STAMBPL1: variants seen among roughly 807,000 people sequenced by gnomAD.
The protein encoded by STAMBPL1 is STAM binding protein like 1.
STAMBPL1 carries 44 observed loss-of-function variants against 52.9 expected under a neutral mutation model. The ratio of observed to expected loss-of-function variants is 0.83; its 90% CI spans 0.65 to 1.07. STAMBPL1 has a LOEUF of 1.07. Ranked by LOEUF, STAMBPL1 falls within the 50% of genes least tolerant of loss-of-function variation. STAMBPL1 has a pLI of 0.00. For missense variants in STAMBPL1, 511 were observed against 520.8 expected (o/e 0.98, Z 0.18); for synonymous variants, 164 against 177.3 (o/e 0.92, Z 0.60).
chr10:88,906,925 T>C (rs1214379746), intron 3 of STAMBPL1, among the ~76,000 whole-genome samples: 1 of 152,160 alleles, frequency 6.6e-6, no homozygotes, highest in Admixed American at 6.5e-5. Context: ...ATGCAATACA[T>C]TGTTATTAAG....
intron 2 of STAMBPL1, among the ~76,000 whole-genome samples, chr10:88,902,350 A>G (rs1464712687): frequency 6.6e-6 from 1 of 152,054 alleles, no homozygotes; most frequent in Non-Finnish European, 1.5e-5. Context: ...TGGAAACAAT[A>G]TTTTTGATGG....
At chr10:88,883,766 G>T (rs1291367914) in intron 1 of STAMBPL1, among the ~76,000 whole-genome samples, 1 of 152,162 alleles carries the variant, frequency 6.6e-6, no homozygotes, top group Non-Finnish European at 1.5e-5. Flanking sequence ...AGTAACTTGT[G>T]TTTATTAAAA....
chr10:88,884,249 A>G (rs142566294), intron 1 of STAMBPL1, among the ~76,000 whole-genome samples: 770 of 152,366 alleles, frequency 5.1e-3, no homozygotes, highest in Non-Finnish European at 7.3e-3. Flanking sequence ...TCTCTGCATA[A>G]TGAAACGTGG....
At chr10:88,911,913 C>G (rs560487142) in intron 5 of STAMBPL1, among the ~76,000 whole-genome samples, 23 of 150,620 alleles carry the variant, frequency 1.5e-4, no homozygotes, top group Admixed American at 1.5e-3. Context: ...GCAAGGGAGA[C>G]GAAAGCCCAG....
At chr10:88,909,064 G>T (rs1845150958) in intron 4 of STAMBPL1, among the ~76,000 whole-genome samples, 1 of 152,172 alleles carries the variant, frequency 6.6e-6, no homozygotes, top group Admixed American at 6.5e-5. Context: ...AGAGAATGTT[G>T]TGTATTTCTG....
Position 88,905,468 on chromosome 10 carries a change from A to G in STAMBPL1, c.56A>G (p.His19Arg). Residue 19 changes from histidine (H) to arginine (R), a missense_variant, in exon 3 of 11, where the codon CAT becomes CGT. Physicochemically the swap from His to Arg is conservative, Grantham distance 29 (BLOSUM62 0). Coordinates refer to ENST00000371926, the MANE Select transcript of STAMBPL1 (RefSeq NM_020799.4). Reference protein sequence around the residue: ...SLKKLAAMPDHTDVSLSPEER... With the variant: ...SLKKLAAMPDRTDVSLSPEER... ...AAAAAGTTAGCTGCTATGCCTGACC[A>G]TACAGATGTTTCCCTAAGCCCAGAA... is the stretch of plus-strand genomic sequence containing the variant. The G allele has an allele frequency of 1.2e-6, 2 of 1,614,144 alleles. No homozygotes were observed. Among genetic ancestry groups the G allele is most frequent in the Non-Finnish European group, 1.7e-6 (2 of 1,179,990 alleles).
intron 1 of STAMBPL1, among the ~76,000 whole-genome samples, chr10:88,888,496 AG>A (rs1844595059): frequency 6.6e-6 from 1 of 152,218 alleles, no homozygotes. Flanking sequence ...CTGACTTTCA[AG>A]GGTTTATGCA....
intron 7 of STAMBPL1, 36 bp downstream of exon 7, chr10:88,914,694 A>T: frequency 1.1e-6 from 1 of 935,676 alleles, no homozygotes; most frequent in Admixed American, 4.3e-5. Context: ...ATATATATAT[A>T]TCTGCATAGG....
chr10:88,881,067 G>A (rs979843716), intron 1 of STAMBPL1, among the ~76,000 whole-genome samples: 5 of 152,052 alleles, frequency 3.3e-5, no homozygotes, highest in African/African-American at 1.2e-4. Context: ...AGGAGGGAGG[G>A]GCGAGGGTTA....
rs762682674 is a variant in STAMBPL1, at chr10:88,905,560, C to T, written c.148C>T (p.Arg50Cys). The change falls in exon 3 of 11, where the codon CGT (arginine) becomes TGT (cysteine). Residue 50 changes from arginine (R) to cysteine (C), a missense_variant. Physicochemically the swap from Arg to Cys is radical, Grantham distance 180. Transcript: ENST00000371926. Reference sequence around the variant, plus strand: ...CATCAGTGAAGACATCACTCCACGACGTTACTTTAGGTCTGGAGTAGAGAT... The same window carrying T: ...CATCAGTGAAGACATCACTCCACGATGTTACTTTAGGTCTGGAGTAGAGAT... The part of the protein sequence containing the change: ...ITISEDITPR[R>C]YFRSGVEMER... 3.1e-6 allele frequency: 5 copies of T among 1,614,028 alleles called. No individual in the cohort carries two copies. Among genetic ancestry groups the T allele is most frequent in the East Asian group, 2.2e-5 (1 of 44,868 alleles).
intron 1 of STAMBPL1, among the ~76,000 whole-genome samples, chr10:88,900,329 A>C (rs1281108855): frequency 1.3e-5 from 2 of 152,208 alleles, no homozygotes; most frequent in African/African-American, 4.8e-5. Flanking sequence ...AAAGTCATCT[A>C]AGTGATGAAT....
At chr10:88,913,843 C>A (rs1464030782) in intron 6 of STAMBPL1, among the ~76,000 whole-genome samples, 1 of 152,104 alleles carries the variant, frequency 6.6e-6, no homozygotes, top group Non-Finnish European at 1.5e-5. Flanking sequence ...TAGACCTTTG[C>A]TCAGCAATAA....
chr10:88,893,513 G>T (rs1289012281), intron 1 of STAMBPL1, among the ~76,000 whole-genome samples: 2 of 152,074 alleles, frequency 1.3e-5, no homozygotes, highest in African/African-American at 4.8e-5. Context: ...AGGCCGAGGC[G>T]GGCGGATCAC....
intron 3 of STAMBPL1, among the ~76,000 whole-genome samples, chr10:88,907,021 C>T (rs1845091883): frequency 6.6e-6 from 1 of 152,046 alleles, no homozygotes; most frequent in Admixed American, 6.6e-5. Context: ...ATCTCACCCC[C>T]ATCCTCAACT....
chr10:88,896,934 A>G (rs1844826013), intron 1 of STAMBPL1, among the ~76,000 whole-genome samples: 1 of 152,118 alleles, frequency 6.6e-6, no homozygotes, highest in Admixed American at 6.6e-5. Context: ...AAAATCACAA[A>G]ATAAGCACCA....
intron 1 of STAMBPL1, among the ~76,000 whole-genome samples, chr10:88,881,030 T>C (rs1465316869): frequency 1.3e-5 from 2 of 152,106 alleles, no homozygotes; most frequent in Admixed American, 6.5e-5. Flanking sequence ...GAGAGACCAC[T>C]GCACTGTCTC....
At chr10:88,891,791 C>G (rs144864409) in intron 1 of STAMBPL1, among the ~76,000 whole-genome samples, 3 of 152,236 alleles carry the variant, frequency 2.0e-5, no homozygotes, top group African/African-American at 7.2e-5. Flanking sequence ...CTGCCCCATT[C>G]CTGGTCCTTA....
chr10:88,889,398 T>C (rs1844621647), intron 1 of STAMBPL1, among the ~76,000 whole-genome samples: 1 of 152,220 alleles, frequency 6.6e-6, no homozygotes, highest in South Asian at 2.1e-4. Flanking sequence ...ATTCAGTTTC[T>C]TAATTACTAG....
rs558566968 is a variant in STAMBPL1, at chr10:88,891,463, G to A, written c.-53-10193G>A. On this transcript the variant is annotated intron_variant, in intron 1 of 10. Transcript: ENST00000371926. ...GTCTCAGGGAAAAAAATCTTCAAATGCTAAAATTAGTGGGCAATGGTATAT... is the reference window on the plus strand; with the variant it reads ...GTCTCAGGGAAAAAAATCTTCAAATACTAAAATTAGTGGGCAATGGTATAT... Among the ~76,000 whole-genome samples, 4 of 152,254 alleles carry A rather than the reference G, an allele frequency of 2.6e-5. No individual in the cohort carries two copies. In the South Asian group the frequency reaches 8.3e-4, roughly 32 times the overall value.
Sources: allele counts gnomAD v4.1 joint callset (sites outside exome capture counted in the v4.1 genomes callset), GRCh38; gene constraint gnomAD v4.1.1; transcripts MANE v1.5; gene names NCBI Gene and HGNC (gene_info 2026-07-23, HGNC 2026-07-21).